The following SPAST variants were observed in gnomAD, a reference collection of about 807,000 sequenced individuals.
SPAST encodes the protein spastic paraplegia 4 (autosomal dominant; spastin).
Under a neutral mutation model 76.6 loss-of-function variants are expected in SPAST, and 30 were observed. The ratio of observed to expected loss-of-function variants is 0.39; its 90% CI spans 0.29 to 0.53. The LOEUF is 0.53. Among genes scored for constraint, SPAST ranks in the 20% least tolerant of loss-of-function variants. The pLI, the probability that SPAST is intolerant of heterozygous loss-of-function variation, is 0.68. For missense variants in SPAST, 717 were observed against 770.5 expected (o/e 0.93, Z 0.82); for synonymous variants, 305 against 281.0 (o/e 1.09, Z -0.86).
At chr2:32,081,313 C>G (rs1677213198) in intron 1 of SPAST, among the ~76,000 whole-genome samples, 1 of 151,906 alleles carries the variant, frequency 6.6e-6, no homozygotes, top group Admixed American at 6.6e-5. Flanking sequence ...CCAGAATGGT[C>G]TTGATCTCCT....
intron 4 of SPAST, among the ~76,000 whole-genome samples, chr2:32,104,078 TGGG>T: frequency 6.6e-6 from 1 of 152,212 alleles, no homozygotes; most frequent in East Asian, 1.9e-4. Context: ...TATTATTGTG[TGGG>T]AGTCTAAGTC....
intron 4 of SPAST, among the ~76,000 whole-genome samples, chr2:32,101,013 C>T (rs1678098933): frequency 6.6e-6 from 1 of 152,158 alleles, no homozygotes; most frequent in Non-Finnish European, 1.5e-5. Context: ...ATTTCTAGTT[C>T]TAGATCCTTG....
intron 9 of SPAST, among the ~76,000 whole-genome samples, chr2:32,135,220 C>T (rs549067167): frequency 2.0e-5 from 3 of 151,382 alleles, no homozygotes; most frequent in Admixed American, 2.0e-4. Flanking sequence ...AGCTCCACCT[C>T]CTGGGTTCAC....
Position 32,136,965 on chromosome 2 carries a change from T to C in SPAST, c.1410T>C (p.Asp470=), listed in dbSNP as rs777012783. The C allele has an allele frequency of 1.9e-6, 3 of 1,609,208 alleles. No homozygotes were observed. Among genetic ancestry groups the C allele is most frequent in the Non-Finnish European group, 2.6e-6 (3 of 1,175,744 alleles). Residue 470 remains aspartate, a synonymous_variant, in exon 11 of 17, where the codon GAT becomes GAC. Transcript: ENST00000315285. The stretch of plus-strand genomic sequence containing the variant: ...AAACTGAATTTCTAATAGAATTTGA[T>C]GGTGTAAGTGTTGATTATGATATTT... ...RLKTEFLIEF[D]GVQSAGDDRV... is the part of the protein sequence containing the mutation.
At chr2:32,136,748 G>A (rs1389360007) in intron 10 of SPAST, 110 bp downstream of exon 10, 3 of 1,260,562 alleles carry the variant, frequency 2.4e-6, no homozygotes, top group Non-Finnish European at 3.5e-6. Flanking sequence ...TTTAAAGAAG[G>A]GCAAGCTTAA....
intron 3 of SPAST, among the ~76,000 whole-genome samples, chr2:32,096,947 T>C (rs150359636): frequency 1.1e-4 from 17 of 152,030 alleles, no homozygotes; most frequent in African/African-American, 3.4e-4. Flanking sequence ...CATGCAGTAC[T>C]TTGTGTTTTG....
chr2:32,064,892 C>T (rs916295368), intron 1 of SPAST, among the ~76,000 whole-genome samples: 1 of 152,164 alleles, frequency 6.6e-6, no homozygotes, highest in African/African-American at 2.4e-5. Context: ...CCTTTAATTT[C>T]CAAGTTGAAA....
chr2:32,137,191 A>G lies in SPAST; in HGVS notation c.1493+3A>G. 2 of 1,601,832 alleles carry G rather than the reference A, an allele frequency of 1.2e-6. No homozygotes were observed. The highest frequency in any genetic ancestry group is 1.7e-6 in the Non-Finnish European group (2 of 1,168,832). On this transcript the variant is annotated splice_donor_region_variant and intron_variant, in intron 12 of 16. Transcript: ENST00000315285. Reference sequence around the variant, plus strand: ...GAGCTTGATGAGGCTGTTCTCAGGTAGGGAGATTTATATGGAAATACATGC... The same window carrying G: ...GAGCTTGATGAGGCTGTTCTCAGGTGGGGAGATTTATATGGAAATACATGC...
intron 3 of SPAST, 57 bp from the exon 4 acceptor site, chr2:32,098,739 C>A: frequency 8.9e-7 from 1 of 1,128,144 alleles, no homozygotes; most frequent in South Asian, 1.3e-5. Context: ...TTTATTTGTT[C>A]ATTATCTTTT....
At chr2:32,150,103 C>G (rs1420274438) in intron 16 of SPAST, among the ~76,000 whole-genome samples, 1 of 142,502 alleles carries the variant, frequency 7.0e-6, no homozygotes, top group Non-Finnish European at 1.5e-5. Flanking sequence ...GAGTCTTGCT[C>G]TGTTTCTAGG....
chr2:32,085,354 C>G (rs567973673), intron 1 of SPAST, among the ~76,000 whole-genome samples: 1 of 151,912 alleles, frequency 6.6e-6, no homozygotes, highest in Non-Finnish European at 1.5e-5. Context: ...TAGATGGGAC[C>G]ACAGATGTGT....
chr2:32,106,653 A>G (rs1209053744), intron 4 of SPAST, among the ~76,000 whole-genome samples: 1 of 152,162 alleles, frequency 6.6e-6, no homozygotes, highest in African/African-American at 2.4e-5. Flanking sequence ...ATAGAGTAAA[A>G]GGATTTCTAT....
intron 3 of SPAST, among the ~76,000 whole-genome samples, chr2:32,095,699 A>G (rs748988621): frequency 4.6e-5 from 7 of 152,100 alleles, no homozygotes; most frequent in Non-Finnish European, 1.0e-4. Context: ...TGAGTACACC[A>G]CTGCACTCTA....
In SPAST at chr2:32,126,996, C is replaced by T; in HGVS notation, c.1147C>T (p.Pro383Ser). 1 of 1,612,570 alleles carries T rather than the reference C, an allele frequency of 6.2e-7. No individual in the cohort carries two copies. Among genetic ancestry groups the T allele is most frequent in the Non-Finnish European group, 8.5e-7 (1 of 1,178,712 alleles). ...APARGLLLFG[P>S]PGNGKTMLAK... is the part of the protein sequence containing the mutation. ...TGCCAGAGGGCTGTTACTCTTTGGT[C>T]CACCTGGGAATGGGAAGACAATGCT... The change falls in exon 8 of 17, where the codon CCA becomes TCA. Residue 383 changes from proline (P) to serine (S), a missense_variant. Pro to Ser is a moderately conservative substitution (Grantham distance 74, BLOSUM62 -1). Around this residue, in one of 3 missense-constraint regions of SPAST, gnomAD observed 78 missense variants for 197.6 expected, o/e 0.39. Transcript: ENST00000315285.
intron 3 of SPAST, among the ~76,000 whole-genome samples, chr2:32,095,823 G>C (rs1380676428): frequency 1.3e-5 from 2 of 152,160 alleles, no homozygotes; most frequent in Admixed American, 6.6e-5. Context: ...GGCAAGAAAA[G>C]CATGGTGAGT....
At chr2:32,087,675 C>CTTTCT (rs1231486844) in intron 2 of SPAST, 97 bp downstream of exon 2, 50 of 373,256 alleles carry the variant, frequency 1.3e-4, no homozygotes, top group Non-Finnish European at 1.7e-4. Context: ...ATTTTTCTTT[C>CTTTCT]TTTCTTTTCT....
chr2:32,144,211 C>T (rs888843751), intron 14 of SPAST, among the ~76,000 whole-genome samples: 5 of 152,198 alleles, frequency 3.3e-5, no homozygotes, highest in African/African-American at 9.6e-5. Flanking sequence ...CTCTTCTACT[C>T]CAGACCTTTC....
intron 4 of SPAST, among the ~76,000 whole-genome samples, chr2:32,106,362 C>T (rs115707897): frequency 0.022 from 3,386 of 152,282 alleles, 106 homozygotes; most frequent in African/African-American, 0.076. Context: ...CCATATGTCA[C>T]GGCTTCCCTT....
chr2:32,104,458 G>T (rs1169789749), intron 4 of SPAST, among the ~76,000 whole-genome samples: 4 of 152,112 alleles, frequency 2.6e-5, no homozygotes, highest in African/African-American at 9.7e-5. Flanking sequence ...TCCATTTAAG[G>T]TTAATATTGT....
Sources: gnomAD v4.1 joint callset for allele counts (sites outside exome capture counted in the v4.1 genomes callset) on GRCh38, gnomAD v4.1.1 for gene constraint, gnomAD v4.1.1 regional missense constraint, MANE v1.5 for transcripts, NCBI Gene and HGNC (gene_info 2026-07-23, HGNC 2026-07-21) for gene names.